The following DUS2 variants were observed in gnomAD, a reference collection of about 807,000 sequenced individuals.
The protein encoded by DUS2 is dihydrouridine synthase 2.
DUS2 carries 52 observed loss-of-function variants against 71.3 expected under a neutral mutation model. The ratio of observed to expected loss-of-function variants is 0.73; its 90% confidence interval spans 0.58 to 0.92. DUS2 has a LOEUF of 0.92. Among genes scored for constraint, DUS2 ranks in the 40% least tolerant of loss-of-function variants. DUS2 has a pLI of 0.00. For synonymous variants in DUS2, 204 were observed against 227.8 expected (o/e 0.90, Z 0.94); for missense variants, 558 against 622.6 (o/e 0.90, Z 1.10).
intron 8 of DUS2, among the ~76,000 whole-genome samples, chr16:68,063,328 G>A (rs2151422791): frequency 6.6e-6 from 1 of 152,314 alleles, no homozygotes; most frequent in South Asian, 2.1e-4. Context: ...GGTGACCTGG[G>A]TGAGAGCTTT....
At chr16:68,032,908 CAAAAAAA>C (rs71145986) in intron 2 of DUS2, among the ~76,000 whole-genome samples, 3 of 57,942 alleles carry the variant, frequency 5.2e-5, no homozygotes, top group African/African-American at 2.2e-4. Flanking sequence ...GACTCCATCT[CAAAAAAA>C]AAAAAAAAAA....
chr16:68,026,221 C>T (rs1451852542), intron 2 of DUS2, among the ~76,000 whole-genome samples: 1 of 152,066 alleles, frequency 6.6e-6, no homozygotes, highest in African/African-American at 2.4e-5. Context: ...GAACTCCTGA[C>T]CTCAGTTGAT....
At chr16:68,061,019 A>C (rs1276268498) in intron 7 of DUS2, 47 bp from the exon 8 acceptor site, 1 of 1,597,100 alleles carries the variant, frequency 6.3e-7, no homozygotes, top group Non-Finnish European at 8.6e-7. Context: ...GGAGAGGGCC[A>C]TAGTGTCTCC....
Position 68,038,043 on chromosome 16 carries a change from C to G in DUS2, c.20C>G (p.Ser7Cys). 1 of 1,613,784 alleles carries G rather than the reference C, an allele frequency of 6.2e-7. No individual in the cohort carries two copies. Among genetic ancestry groups the G allele is most frequent in the Non-Finnish European group, 8.5e-7 (1 of 1,179,884 alleles). Residue 7 changes from serine to cysteine, a missense_variant, in exon 3 of 17, where the codon TCT (serine) becomes TGT (cysteine). Coordinates refer to ENST00000565263, the MANE Select transcript of DUS2 (RefSeq NM_017803.5). ...GAGGAAATGATTTTGAATAGCCTCTCTCTGTGTTACCATAATAAGCTAATC... is the reference window on the plus strand; with the variant it reads ...GAGGAAATGATTTTGAATAGCCTCTGTCTGTGTTACCATAATAAGCTAATC... MILNSL[S>C]LCYHNKLILA... is the part of the protein sequence containing the mutation.
intron 14 of DUS2, 88 bp downstream of exon 14, chr16:68,075,592 A>G: frequency 7.5e-7 from 1 of 1,339,040 alleles, no homozygotes; most frequent in Non-Finnish European, 1.0e-6. Context: ...GTATGTGCTT[A>G]ATGTCAAACG....
intron 14 of DUS2, among the ~76,000 whole-genome samples, chr16:68,075,758 G>A (rs995536911): frequency 6.6e-6 from 1 of 152,122 alleles, no homozygotes; most frequent in African/African-American, 2.4e-5. Context: ...CTCAGGGCAG[G>A]GGGGACTTGT....
rs191719608 is a variant in DUS2 at position 68,024,614 on chromosome 16, C to T, written c.-98-801C>T. Among the ~76,000 whole-genome samples, 8 of 152,254 alleles carry T rather than the reference C, an allele frequency of 5.3e-5. No homozygotes were observed. The East Asian group carries it at 1.2e-3, about 22-fold the overall frequency. ...GGAAAAACTTTCACAATTTTAAGTA[C>T]ACTCTACCCTTGTGCTACACAATTA... On this transcript the variant is annotated intron_variant, in intron 1 of 16. Transcript: ENST00000565263.
chr16:68,029,270 T>C (rs905851861), intron 2 of DUS2, among the ~76,000 whole-genome samples: 1 of 152,110 alleles, frequency 6.6e-6, no homozygotes, highest in Non-Finnish European at 1.5e-5. Flanking sequence ...CTTTTTGTCA[T>C]GTGCATGTAT....
In DUS2 at chr16:68,079,010, C is replaced by T; in HGVS notation, c.*24C>T. ...GACTACTCTTCCTGCCTTAGTCACC[C>T]CTCCATGGGCCTGGTGCTAAGGTGG... On this transcript the variant is annotated 3_prime_UTR_variant, in exon 17 of 17. Coordinates refer to ENST00000565263, the MANE Select transcript of DUS2 (RefSeq NM_017803.5). 3 of 1,515,352 alleles carry T rather than the reference C, an allele frequency of 2.0e-6. No homozygotes were observed. Among genetic ancestry groups the T allele is most frequent in the South Asian group, 2.6e-5 (2 of 76,710 alleles). 93.9% of individuals were successfully genotyped at this position (1,515,352 alleles called of 1,614,324 possible).
rs769721047 is a variant in DUS2 at position 68,055,716 on chromosome 16, C to T, written c.309-648C>T. Among the ~76,000 whole-genome samples, 3 of 151,800 alleles carry T rather than the reference C, an allele frequency of 2.0e-5. No individual in the cohort carries two copies. In the East Asian group the frequency reaches 5.8e-4, roughly 29 times the overall value. On this transcript the variant is annotated intron_variant, in intron 6 of 16. Coordinates refer to ENST00000565263, the MANE Select transcript of DUS2 (RefSeq NM_017803.5). ...TGACATCTTAGTAAGTGTTAGCTAT[C>T]GTTATAATTACAAAGAGTGAGTGGG...
chr16:68,035,864 A>T (rs1423055211), intron 2 of DUS2, among the ~76,000 whole-genome samples: 1 of 136,152 alleles, frequency 7.3e-6, no homozygotes, highest in African/African-American at 2.9e-5. Flanking sequence ...ACAGGTGTGT[A>T]CCACCACATC....
Position 68,069,182 on chromosome 16 carries a change from A to G in DUS2, c.555-952A>G, listed in dbSNP as rs187165319. On this transcript the variant is annotated intron_variant, in intron 10 of 16. Coordinates refer to ENST00000565263, the MANE Select transcript of DUS2 (RefSeq NM_017803.5). ...GGCGGGTGGATCACATGAGGTCAGG[A>G]GTTCAAGACCAGCCTGACCAACATG... is the stretch of plus-strand genomic sequence containing the variant. 6.3e-3 allele frequency among the ~76,000 whole-genome samples: 958 copies of G among 152,184 alleles called. 11 individuals are homozygous for G. Among genetic ancestry groups the G allele is most frequent in the African/African-American group, 0.022 (916 of 41,524 alleles).
At chr16:68,046,146 C>G (rs2033697609) in intron 3 of DUS2, among the ~76,000 whole-genome samples, 1 of 152,110 alleles carries the variant, frequency 6.6e-6, no homozygotes, top group Admixed American at 6.6e-5. Context: ...TCCTGTCACC[C>G]AGATAGTGAA....
At chr16:68,027,698 T>G (rs1242950514) in intron 2 of DUS2, among the ~76,000 whole-genome samples, 1 of 152,256 alleles carries the variant, frequency 6.6e-6, no homozygotes, top group Non-Finnish European at 1.5e-5. Flanking sequence ...CTATTAATAG[T>G]TGCCAGGATA....
At chr16:68,049,259 C>G (rs887830879) in intron 3 of DUS2, among the ~76,000 whole-genome samples, 1 of 152,124 alleles carries the variant, frequency 6.6e-6, no homozygotes, top group African/African-American at 2.4e-5. Flanking sequence ...CTAAGTGGTT[C>G]ATTCATTCTA....
At chr16:68,073,731 G>A (rs1422420919) in intron 12 of DUS2, among the ~76,000 whole-genome samples, 7 of 152,048 alleles carry the variant, frequency 4.6e-5, no homozygotes, top group South Asian at 4.1e-4. Context: ...TTACAGGCGT[G>A]AGCCACCGTG....
chr16:68,057,393 G>A lies in DUS2; in HGVS notation c.369+969G>A, dbSNP rs1386983831. ...ACATATCCCAGAAAGCCCAGAGGAG[G>A]ATTATAAAAAAAAAAAAGGGAAAAC... On this transcript the variant is annotated intron_variant, in intron 7 of 16. Transcript: ENST00000565263. Among the ~76,000 whole-genome samples, 13 of 148,710 alleles carry A rather than the reference G, an allele frequency of 8.7e-5. No individual in the cohort carries two copies. In the South Asian group the frequency reaches 2.1e-3, roughly 24 times the overall value.
At chr16:68,066,242 C>T (rs1256592540) in intron 8 of DUS2, 75 bp from the exon 9 acceptor site, 17 of 1,326,130 alleles carry the variant, frequency 1.3e-5, no homozygotes, top group South Asian at 5.9e-5. Context: ...CAGCCTGTAG[C>T]GGAGTTAATT....
chr16:68,039,584 A>G (rs541018697), intron 3 of DUS2, among the ~76,000 whole-genome samples: 1 of 152,010 alleles, frequency 6.6e-6, no homozygotes, highest in South Asian at 2.1e-4. Context: ...ACGCCTGGCT[A>G]ATTTCTTTTT....
Sources: allele counts gnomAD v4.1 joint callset (sites outside exome capture counted in the v4.1 genomes callset), GRCh38; gene constraint gnomAD v4.1.1; transcripts MANE v1.5; gene names NCBI Gene and HGNC (gene_info 2026-07-23, HGNC 2026-07-21).